Variants in ANK3 observed in about 807,000 individuals in gnomAD.
The protein encoded by ANK3 is ankyrin 3, also known as ankyrin-3.
Under a neutral mutation model 370.9 loss-of-function variants are expected in ANK3, and 57 were observed. The ratio of observed to expected loss-of-function variants is 0.15; its 90% CI spans 0.12 to 0.19. The LOEUF is 0.19. ANK3 is among the 10% of genes least tolerant of loss of function. ANK3 has a pLI of 1.00. For missense variants in ANK3, 4,439 were observed against 5,302.1 expected (o/e 0.84, Z 5.06); for synonymous variants, 1,929 against 1,946.3 (o/e 0.99, Z 0.23).
intron 2 of ANK3, among the ~76,000 whole-genome samples, chr10:60,536,687 A>G (rs1196734291): frequency 6.6e-6 from 1 of 152,004 alleles, no homozygotes; most frequent in Non-Finnish European, 1.5e-5. Context: ...TACTGAAAAG[A>G]GGGCTAAGCA....
chr10:60,497,331 T>C (rs907687271), intron 2 of ANK3, among the ~76,000 whole-genome samples: 1 of 152,158 alleles, frequency 6.6e-6, no homozygotes, highest in Non-Finnish European at 1.5e-5. Flanking sequence ...AATAAATATG[T>C]GCCTAGTATC....
At chr10:60,577,964 A>G (rs1200743520) in intron 2 of ANK3, among the ~76,000 whole-genome samples, 1 of 152,234 alleles carries the variant, frequency 6.6e-6, no homozygotes, top group African/African-American at 2.4e-5. Flanking sequence ...CCATCCTCAA[A>G]TATCTACAAT....
chr10:60,585,571 A>G (rs2077819588), intron 2 of ANK3, among the ~76,000 whole-genome samples: 1 of 152,194 alleles, frequency 6.6e-6, no homozygotes, highest in South Asian at 2.1e-4. Flanking sequence ...TTCAGGTGAC[A>G]TATAATAGCT....
Position 60,196,172 on chromosome 10 carries a change from T to A in ANK3, c.1860A>T (p.Gln620His), listed in dbSNP as rs1396046217. The A allele has an allele frequency of 6.2e-7, 1 of 1,613,942 alleles. No individual in the cohort carries two copies. The highest frequency in any genetic ancestry group is 1.7e-5 in the Admixed American group (1 of 60,000). ...TTGCGGCTGCGTGAGGTGAGGCTCC[T>A]TGGTCCAAAAGCAGAAGGGCCACTT... ...NQKVALLLLD[Q>H]GASPHAAAKN... Residue 620 changes from glutamine to histidine, a missense_variant, in exon 16 of 44, where the codon CAA becomes CAT. Transcript: ENST00000280772.
intron 1 of ANK3, among the ~76,000 whole-genome samples, chr10:60,345,840 C>T (rs1210702516): frequency 1.3e-5 from 2 of 152,084 alleles, no homozygotes; most frequent in African/African-American, 4.8e-5. Flanking sequence ...TAAGAGGAAG[C>T]TGTTTGGACA....
rs138810470 is a variant in ANK3, at chr10:60,140,138, C to T, written c.2615-1051G>A. On this transcript the variant is annotated intron_variant, in intron 23 of 43. Coordinates refer to ENST00000280772, the MANE Select transcript of ANK3 (RefSeq NM_020987.5). Reference sequence around the variant, plus strand: ...TTCCATTCATTTAAACTCAGGAAACCGCAAGAGCTCAGCTTTTAAACTACC... The same window carrying T: ...TTCCATTCATTTAAACTCAGGAAACTGCAAGAGCTCAGCTTTTAAACTACC... 8.2e-4 allele frequency: 474 copies of T among 575,742 alleles called. 2 individuals are homozygous for T. Among genetic ancestry groups the T allele is most frequent in the African/African-American group, 8.0e-3 (419 of 52,692 alleles). The allele number at this position is 575,742 out of a possible 1,614,324, so 35.7% of individuals were successfully genotyped here. A position where few individuals can be genotyped will look rare whatever the true frequency, so the allele number is the denominator to read the frequency against.
At chr10:60,169,423 T>C (rs1313532384) in intron 21 of ANK3, among the ~76,000 whole-genome samples, 2 of 145,586 alleles carry the variant, frequency 1.4e-5, no homozygotes, top group African/African-American at 5.1e-5. Flanking sequence ...CGGAGGAAGA[T>C]CACAGAGGAA....
At chr10:60,427,287 G>A (rs1429293749) in intron 2 of ANK3, among the ~76,000 whole-genome samples, 2 of 152,098 alleles carry the variant, frequency 1.3e-5, no homozygotes, top group Non-Finnish European at 2.9e-5. Flanking sequence ...GAGAGAAAGA[G>A]AAAGGGAGAG....
At chr10:60,039,053 T>C (rs2075642859) in intron 43 of ANK3, among the ~76,000 whole-genome samples, 1 of 152,238 alleles carries the variant, frequency 6.6e-6, no homozygotes, top group African/African-American at 2.4e-5. Flanking sequence ...TTTAAACATT[T>C]GTCCCATTTC....
At chr10:60,555,138 G>A (rs1017955706) in intron 2 of ANK3, among the ~76,000 whole-genome samples, 21 of 152,084 alleles carry the variant, frequency 1.4e-4, no homozygotes, top group African/African-American at 4.1e-4. Context: ...AAATGTTAAG[G>A]AGATCAGATT....
At chr10:60,313,355 T>C (rs1473173239) in intron 1 of ANK3, among the ~76,000 whole-genome samples, 1 of 152,172 alleles carries the variant, frequency 6.6e-6, no homozygotes, top group Non-Finnish European at 1.5e-5. Flanking sequence ...GAATGTAATA[T>C]TGTAAAATAT....
chr10:60,095,641 C>T (rs984412618), intron 28 of ANK3, among the ~76,000 whole-genome samples: 2 of 152,148 alleles, frequency 1.3e-5, no homozygotes, highest in Non-Finnish European at 2.9e-5. Flanking sequence ...CTCAACCTCT[C>T]AAAGTATTTG....
chr10:60,490,727 G>GA (rs1446606247), intron 2 of ANK3, among the ~76,000 whole-genome samples: 1 of 151,850 alleles, frequency 6.6e-6, no homozygotes, highest in African/African-American at 2.4e-5. Flanking sequence ...TTCTATCTTG[G>GA]AAAAAAATTC....
chr10:60,130,952 C>A (rs2094030060), intron 25 of ANK3, among the ~76,000 whole-genome samples: 1 of 152,168 alleles, frequency 6.6e-6, no homozygotes, highest in Non-Finnish European at 1.5e-5. Context: ...ATAAAAAATA[C>A]CCATGTACCT....
chr10:60,195,483 G>A (rs61845859), intron 16 of ANK3, among the ~76,000 whole-genome samples: 4 of 151,698 alleles, frequency 2.6e-5, no homozygotes, highest in Non-Finnish European at 4.4e-5. Context: ...ACACTGAAAT[G>A]GTTTGCATCA....
intron 1 of ANK3, among the ~76,000 whole-genome samples, chr10:60,335,471 C>A (rs1254285824): frequency 1.3e-5 from 2 of 152,098 alleles, no homozygotes; most frequent in Non-Finnish European, 2.9e-5. Flanking sequence ...AGAAGTCAGG[C>A]CTGGACCATT....
chr10:60,644,838 T>TAAAAAAAAAAAAA (rs146950954), intron 1 of ANK3, among the ~76,000 whole-genome samples: 2 of 108,336 alleles, frequency 1.8e-5, no homozygotes, highest in Admixed American at 1.1e-4. Flanking sequence ...TTAATTTAGT[T>TAAAAAAAAAAAAA]AAAAGAAAAA....
At chr10:60,489,508 A>G (rs1203187439) in intron 2 of ANK3, among the ~76,000 whole-genome samples, 1 of 152,210 alleles carries the variant, frequency 6.6e-6, no homozygotes, top group Admixed American at 6.5e-5. Flanking sequence ...CTGTGATCAT[A>G]TAACTCAAAG....
At chr10:60,188,984 C>A (rs1253831617) in intron 16 of ANK3, among the ~76,000 whole-genome samples, 5 of 152,200 alleles carry the variant, frequency 3.3e-5, no homozygotes, top group Admixed American at 3.3e-4. Context: ...ATGTGTCTAA[C>A]ACTAACCTAA....
Sources: gnomAD v4.1 joint callset for allele counts (sites outside exome capture counted in the v4.1 genomes callset) on GRCh38, gnomAD v4.1.1 for gene constraint, MANE v1.5 for transcripts, NCBI Gene and HGNC (gene_info 2026-07-23, HGNC 2026-07-21) for gene names.